ZNF91: variants seen among roughly 807,000 people sequenced by gnomAD.
ZNF91 encodes the protein zinc finger protein 91 (HPF7, HTF10).
ZNF91 carries 7 observed loss-of-function variants against 12.6 expected under a neutral mutation model. The ratio of observed to expected loss-of-function variants is 0.55; its 90% CI spans 0.31 to 1.04. ZNF91 has a LOEUF of 1.04. Ranked by LOEUF, ZNF91 falls within the 50% of genes least tolerant of loss-of-function variation. The probability of loss-of-function intolerance (pLI) is 0.05; values close to 1 mark genes in which losing one functional copy is unlikely to be tolerated. For missense variants in ZNF91, 1,217 were observed against 1,385.4 expected (o/e 0.88, Z 1.93); for synonymous variants, 453 against 462.6 (o/e 0.98, Z 0.27).
downstream of ZNF91, among the ~76,000 whole-genome samples, chr19:23,354,251 C>T (rs901454321): frequency 6.6e-6 from 1 of 151,956 alleles, no homozygotes; most frequent in Non-Finnish European, 1.5e-5. Context: ...AACAACATGT[C>T]GAAAAGATAA....
chr19:23,381,983 A>G (rs1427542486), intron 1 of ZNF91, among the ~76,000 whole-genome samples: 1 of 151,966 alleles, frequency 6.6e-6, no homozygotes, highest in Non-Finnish European at 1.5e-5. Flanking sequence ...AATTGTAAGA[A>G]CAATCTTTTG....
Position 23,360,706 on chromosome 19 carries a change from G to A in ZNF91, c.2273C>T (p.Thr758Ile), listed in dbSNP as rs780669873. ...TCTAGTATGAATTCTTTTATGTTTAGTAAGGCTTGAGGACCAGTTAAATGC... is the reference window on the plus strand; with the variant it reads ...TCTAGTATGAATTCTTTTATGTTTAATAAGGCTTGAGGACCAGTTAAATGC... ...GKAFNWSSSLTKHKRIHTREK... is the reference protein window; with the variant it reads ...GKAFNWSSSLIKHKRIHTREK... The change falls in exon 4 of 4, where the codon ACT (threonine) becomes ATT (isoleucine). Residue 758 changes from threonine (T) to isoleucine (I), a missense_variant. Thr to Ile is a moderately conservative substitution (Grantham distance 89, BLOSUM62 -1). Transcript: ENST00000300619. 5 of 1,613,850 alleles carry A rather than the reference G, an allele frequency of 3.1e-6. No homozygotes were observed. The highest frequency in any genetic ancestry group is 2.2e-5 in the East Asian group (1 of 44,836).
intron 3 of ZNF91, among the ~76,000 whole-genome samples, chr19:23,345,178 C>G (rs1968197447): frequency 6.6e-6 from 1 of 152,208 alleles, no homozygotes. Context: ...GTGACAATCG[C>G]TCCTTTTATC....
chr19:23,332,140 T>G lies in ZNF91; in HGVS notation n.117-23043A>C, dbSNP rs548722529. ...TAAATCATATAAACCAGAAGTTAAA[T>G]CTTTCTGTTTCTCTTCTACCTGTGC... is the stretch of plus-strand genomic sequence containing the variant. On this transcript the variant is annotated intron_variant and non_coding_transcript_variant, in intron 1 of 1. Coordinates refer to the ZNF91 transcript ENST00000596528. Among the ~76,000 whole-genome samples, 27 of 152,352 alleles carry G rather than the reference T, an allele frequency of 1.8e-4. 1 individual carries two copies. In the South Asian group the frequency reaches 5.4e-3, roughly 30 times the overall value.
In ZNF91 at chr19:23,360,457, A is replaced by G; in HGVS notation, c.2522T>C (p.Leu841Pro). Residue 841 changes from leucine (L) to proline (P), a missense_variant, in exon 4 of 4, where the codon CTT becomes CCT. Leu to Pro is a moderately conservative substitution (Grantham distance 98). Transcript: ENST00000300619. ...AGCATGTATTATTTTATGTTTAGCA[A>G]GGGCTGAGGAGTGCTTAAAAGCTTT... ...CGKAFKHSSA[L>P]AKHKIIHAGE... 1.2e-6 allele frequency: 2 copies of G among 1,613,834 alleles called. No individual in the cohort carries two copies. The highest frequency in any genetic ancestry group is 1.7e-6 in the Non-Finnish European group (2 of 1,179,950).
At chr19:23,344,645 T>C (rs1968184623) in intron 3 of ZNF91, among the ~76,000 whole-genome samples, 1 of 152,156 alleles carries the variant, frequency 6.6e-6, no homozygotes, top group Non-Finnish European at 1.5e-5. Context: ...TGATGAAGCA[T>C]TCAGATGGAA....
chr19:23,341,626 A>G (rs1010815471), intron 3 of ZNF91, among the ~76,000 whole-genome samples: 3 of 152,160 alleles, frequency 2.0e-5, no homozygotes, highest in African/African-American at 7.2e-5. Context: ...GATATATAAA[A>G]AAGTGCTCAA....
At chr19:23,347,825 CA>C (rs1968269140) in intron 3 of ZNF91, among the ~76,000 whole-genome samples, 1 of 152,148 alleles carries the variant, frequency 6.6e-6, no homozygotes. Flanking sequence ...GCCAGGTACC[CA>C]GGCAAGATTT....
At position 23,357,802 on chromosome 19, in the gene ZNF91, A is replaced by G. The variant is rs953224500; in HGVS notation, c.*1601T>C. ...ATTTAAAAATAACTAAAACTGTAGA[A>G]TTGAATTATTTGTAATACAAAGAAT... On this transcript the variant is annotated 3_prime_UTR_variant, in exon 4 of 4. Transcript: ENST00000300619. 1.3e-5 allele frequency: 2 copies of G among 152,192 alleles called. No individual in the cohort carries two copies. Among genetic ancestry groups the G allele is most frequent in the African/African-American group, 4.8e-5 (2 of 41,458 alleles). 9.4% of individuals were successfully genotyped at this position (152,192 alleles called of 1,614,324 possible).
At chr19:23,369,034 G>A (rs949943670) in intron 3 of ZNF91, among the ~76,000 whole-genome samples, 5 of 152,172 alleles carry the variant, frequency 3.3e-5, no homozygotes, top group South Asian at 2.1e-4. Flanking sequence ...ACCCTTGGCT[G>A]GGCACAGTGG....
chr19:23,392,263 G>A (rs766936436), intron 1 of ZNF91, among the ~76,000 whole-genome samples: 28 of 151,802 alleles, frequency 1.8e-4, no homozygotes, highest in Non-Finnish European at 1.6e-4. Flanking sequence ...GGGCGTTGTG[G>A]CAAGCGCCTG....
chr19:23,361,960 T>C lies in ZNF91; in HGVS notation c.1019A>G (p.His340Arg), dbSNP rs896623684. ...TTTCTCTCCAGTATGAATTCTCTTA[T>C]GTTTAGCAAGGGTTGAAGAACGGCT... ...AFSRSSTLAK[H>R]KRIHTGEKPY... Residue 340 changes from histidine (H) to arginine (R), a missense_variant, in exon 4 of 4, where the codon CAT becomes CGT. Around this residue, in one of 2 missense-constraint regions of ZNF91, gnomAD observed 726 missense variants for 895.5 expected, o/e 0.81. Coordinates refer to ENST00000300619, the MANE Select transcript of ZNF91 (RefSeq NM_003430.4). 3.1e-6 allele frequency: 5 copies of C among 1,613,280 alleles called. No homozygotes were observed. Among genetic ancestry groups the C allele is most frequent in the African/African-American group, 2.7e-5 (2 of 74,932 alleles).
intron 1 of ZNF91, among the ~76,000 whole-genome samples, chr19:23,320,492 G>A (rs1333240822): frequency 6.6e-6 from 1 of 152,162 alleles, no homozygotes; most frequent in Non-Finnish European, 1.5e-5. Context: ...CATGGCAGAA[G>A]GAGAATCAGG....
chr19:23,336,578 T>A (rs1438838943), downstream of ZNF91, among the ~76,000 whole-genome samples: 1 of 152,176 alleles, frequency 6.6e-6, no homozygotes, highest in African/African-American at 2.4e-5. Flanking sequence ...TCCAGGTAGC[T>A]CCTTTTCCTA....
chr19:23,354,677 T>C (rs1379111474), downstream of ZNF91, among the ~76,000 whole-genome samples: 2 of 152,012 alleles, frequency 1.3e-5, no homozygotes, highest in African/African-American at 4.8e-5. Context: ...CAGGAAGTCA[T>C]ACTGTCCGCT....
chr19:23,389,872 C>T (rs1415409125), intron 1 of ZNF91, among the ~76,000 whole-genome samples: 1 of 152,130 alleles, frequency 6.6e-6, no homozygotes, highest in Non-Finnish European at 1.5e-5. Flanking sequence ...ACTGCAGATG[C>T]CAGTCACAAA....
chr19:23,391,969 AAC>A (rs1389774399), intron 1 of ZNF91, among the ~76,000 whole-genome samples: 3 of 152,222 alleles, frequency 2.0e-5, no homozygotes, highest in East Asian at 3.8e-4. Context: ...AAATTATGCA[AAC>A]ACAGTGTTCA....
At chr19:23,382,989 C>T (rs921563090) in intron 1 of ZNF91, among the ~76,000 whole-genome samples, 4 of 152,172 alleles carry the variant, frequency 2.6e-5, no homozygotes, top group African/African-American at 9.7e-5. Context: ...TTCTCTCCAA[C>T]TCATTATATA....
chr19:23,332,532 C>A (rs1278994706), intron 1 of ZNF91, among the ~76,000 whole-genome samples: 1 of 152,110 alleles, frequency 6.6e-6, no homozygotes, highest in Non-Finnish European at 1.5e-5. Flanking sequence ...ACCATAGAGA[C>A]ACGATTCGTT....
Sources: gnomAD v4.1 joint callset for allele counts (sites outside exome capture counted in the v4.1 genomes callset) on GRCh38, gnomAD v4.1.1 for gene constraint, gnomAD v4.1.1 regional missense constraint, MANE v1.5 for transcripts, NCBI Gene and HGNC (gene_info 2026-07-23, HGNC 2026-07-21) for gene names.